Variants in PECAM1 observed in about 807,000 individuals in gnomAD.
The protein encoded by PECAM1 is platelet and endothelial cell adhesion molecule 1.
In PECAM1, 8 loss-of-function variants were observed where a neutral mutation model predicts 13.8. That is an observed-to-expected ratio of 0.58 (90% CI 0.34 to 1.05). The LOEUF (loss-of-function observed/expected upper bound fraction) is 1.05. PECAM1 is among the 50% of genes least tolerant of loss of function. PECAM1 has a pLI of 0.03. For synonymous variants in PECAM1, 136 were observed against 52.6 expected (o/e 2.58, Z -6.86); for missense variants, 304 against 141.2 (o/e 2.15, Z -5.84).
intron 4 of PECAM1, among the ~76,000 whole-genome samples, chr17:64,374,796 C>T (rs1257016728): frequency 6.6e-6 from 1 of 151,824 alleles, no homozygotes; most frequent in Non-Finnish European, 1.5e-5. Flanking sequence ...AAAAAAAACC[C>T]CAAAAACCAA....
chr17:64,354,528 C>A (rs1229742830), intron 9 of PECAM1, among the ~76,000 whole-genome samples: 3 of 152,198 alleles, frequency 2.0e-5, no homozygotes, highest in Non-Finnish European at 4.4e-5. Flanking sequence ...GACTCTGATT[C>A]CTGGTTATCA....
At chr17:64,346,077 G>C (rs7207019) in intron 13 of PECAM1, among the ~76,000 whole-genome samples, 59,816 of 152,008 alleles carry the variant, frequency 0.39, 13,813 homozygotes, top group Non-Finnish European at 0.51. Flanking sequence ...AAAACTGCAC[G>C]CATTCAGCCT....
chr17:64,341,275 A>G (rs1177965057), intron 14 of PECAM1, among the ~76,000 whole-genome samples: 1 of 151,880 alleles, frequency 6.6e-6, no homozygotes, highest in Non-Finnish European at 1.5e-5. Context: ...AAAAAAAAAA[A>G]AGAGAAAAAA....
At chr17:64,363,067 C>T (rs958409293) in intron 6 of PECAM1, 82 bp downstream of exon 6, 46 of 472,010 alleles carry the variant, frequency 9.7e-5, no homozygotes, top group African/African-American at 3.4e-4. Flanking sequence ...CTGCTCAGAC[C>T]GGAGAGGGCG....
Position 64,322,395 on chromosome 17 carries a change from A to G in PECAM1, c.*1421T>C, listed in dbSNP as rs1555644596. On this transcript the variant is annotated 3_prime_UTR_variant, in exon 16 of 16. Coordinates refer to ENST00000563924, the MANE Select transcript of PECAM1 (RefSeq NM_000442.5). ...GAGCGAATCTCCGTCTCAAAACAAC[A>G]AAACAAAAACATAGACCTGCTCGGT... The G allele has an allele frequency of 3.0e-6, 3 of 986,744 alleles. No homozygotes were observed. In the Admixed American group the frequency reaches 1.8e-4, roughly 60 times the overall value. The allele number at this position is 986,744 out of a possible 1,614,324, so 61.1% of individuals were successfully genotyped here.
rs1015157648 is a variant in PECAM1 at position 64,352,777 on chromosome 17, C to T, written c.1917-314G>A. Among the ~76,000 whole-genome samples the T allele has an allele frequency of 1.7e-3, 253 of 152,152 alleles. 3 individuals are homozygous for T. Among genetic ancestry groups the T allele is most frequent in the Middle Eastern group, 0.014 (4 of 294 alleles). On this transcript the variant is annotated intron_variant, in intron 10 of 15. Coordinates refer to ENST00000563924, the MANE Select transcript of PECAM1 (RefSeq NM_000442.5). ...TCAAGCGATTCTCGTGCCTCAGCCT[C>T]CCGAGTAGCTGGGATTACAGGCATG... is the stretch of plus-strand genomic sequence containing the variant.
intron 15 of PECAM1, among the ~76,000 whole-genome samples, chr17:64,325,718 T>TA (rs782297813): frequency 2.4e-4 from 36 of 152,026 alleles, no homozygotes; most frequent in Non-Finnish European, 3.5e-4. Flanking sequence ...GCCTGGGTGA[T>TA]AGAGTGAGAC....
At chr17:64,354,286 A>G (rs1186957255) in intron 9 of PECAM1, among the ~76,000 whole-genome samples, 1 of 152,112 alleles carries the variant, frequency 6.6e-6, no homozygotes, top group Non-Finnish European at 1.5e-5. Context: ...AGGCGAAATC[A>G]ATCCCTGCGT....
chr17:64,360,814 A>ATGTG (rs144008571), intron 6 of PECAM1, among the ~76,000 whole-genome samples: 6,114 of 141,216 alleles, frequency 0.043, 189 homozygotes, highest in Non-Finnish European at 0.067. Flanking sequence ...AGCCAACAAA[A>ATGTG]TGTGTGTGTG....
chr17:64,322,115 A>C lies in PECAM1; in HGVS notation c.*1701T>G. ...CTGGGCATGGTGGCTCACGCCTGCA[A>C]TCCCAACCCAAAGGCCTGTGGAGCA... is the stretch of plus-strand genomic sequence containing the variant. On this transcript the variant is annotated 3_prime_UTR_variant, in exon 16 of 16. Coordinates refer to ENST00000563924, the MANE Select transcript of PECAM1 (RefSeq NM_000442.5). The C allele has an allele frequency of 2.8e-6, 3 of 1,090,278 alleles. No individual in the cohort carries two copies. Among genetic ancestry groups the C allele is most frequent in the Non-Finnish European group, 3.4e-6 (3 of 881,072 alleles). 67.5% of individuals were successfully genotyped at this position (1,090,278 alleles called of 1,614,324 possible).
At chr17:64,387,815 G>A (rs1490558992) in intron 2 of PECAM1, among the ~76,000 whole-genome samples, 1 of 152,182 alleles carries the variant, frequency 6.6e-6, no homozygotes, top group Non-Finnish European at 1.5e-5. Context: ...GCGGGCTGGA[G>A]GGGAACAAAG....
chr17:64,332,532 A>AT (rs2143693069), intron 14 of PECAM1, among the ~76,000 whole-genome samples: 1 of 152,266 alleles, frequency 6.6e-6, no homozygotes, highest in Non-Finnish European at 1.5e-5. Context: ...GGTAGCATCC[A>AT]TTTTTTCATG....
rs1161566331 is a variant in PECAM1, at chr17:64,389,754, T to G, written c.91+735A>C. On this transcript the variant is annotated intron_variant, in intron 2 of 15. Transcript: ENST00000563924. ...CAAAAAACAGCAATGCACTGAAATC[T>G]AGAAAATGTGAGGCCGGGCGCGGTG... 4.6e-5 allele frequency among the ~76,000 whole-genome samples: 7 copies of G among 152,054 alleles called. No homozygotes were observed. The East Asian group carries it at 5.8e-4, about 13-fold the overall frequency.
At chr17:64,364,650 T>C (rs1307986453) in intron 5 of PECAM1, among the ~76,000 whole-genome samples, 3 of 147,334 alleles carry the variant, frequency 2.0e-5, no homozygotes, top group Non-Finnish European at 3.0e-5. Flanking sequence ...ATCCCTGGGA[T>C]GCAAGGCTGG....
chr17:64,341,592 G>A (rs2035432454), intron 14 of PECAM1, 42 bp downstream of exon 14: 1 of 430,596 alleles, frequency 2.3e-6, no homozygotes, highest in East Asian at 3.4e-5. Context: ...AGTGATTCTA[G>A]GGGGCATCCC....
At chr17:64,352,674 A>T (rs2035753593) in intron 10 of PECAM1, among the ~76,000 whole-genome samples, 1 of 142,784 alleles carries the variant, frequency 7.0e-6, no homozygotes, top group Non-Finnish European at 1.5e-5. Flanking sequence ...TTTTTTTTTT[A>T]GACAGAGTCT....
Position 64,322,953 on chromosome 17 carries a change from C to T in PECAM1, c.*863G>A. 1 of 653,442 alleles carries T rather than the reference C, an allele frequency of 1.5e-6. No homozygotes were observed. Among genetic ancestry groups the T allele is most frequent in the Non-Finnish European group, 1.9e-6 (1 of 526,768 alleles). 40.5% of individuals were successfully genotyped at this position (653,442 alleles called of 1,614,324 possible). A position where few individuals can be genotyped will look rare whatever the true frequency, so the allele number is the denominator to read the frequency against. On this transcript the variant is annotated 3_prime_UTR_variant, in exon 16 of 16. Transcript: ENST00000563924. ...AACTCCTGACCTCAGGTGATCCGCC[C>T]ACCTCAGCCTCCTGAAGTGCTGGGA... is the stretch of plus-strand genomic sequence containing the variant.
chr17:64,342,106 C>A (rs1266404887), intron 13 of PECAM1, among the ~76,000 whole-genome samples: 1 of 151,132 alleles, frequency 6.6e-6, no homozygotes, highest in African/African-American at 2.4e-5. Flanking sequence ...GCCAAGATTG[C>A]GCCACTGCAC....
intron 2 of PECAM1, among the ~76,000 whole-genome samples, chr17:64,386,268 G>T (rs970594138): frequency 6.6e-6 from 1 of 152,076 alleles, no homozygotes; most frequent in Non-Finnish European, 1.5e-5. Flanking sequence ...AGCCGGGCAT[G>T]GTGGTTCGTG....
Sources: gnomAD v4.1 joint callset for allele counts (sites outside exome capture counted in the v4.1 genomes callset) on GRCh38, gnomAD v4.1.1 for gene constraint, MANE v1.5 for transcripts, NCBI Gene and HGNC (gene_info 2026-07-23, HGNC 2026-07-21) for gene names.